NBEA: variants seen among roughly 807,000 people sequenced by gnomAD.
NBEA encodes lysosomal-trafficking regulator 2.
In NBEA, 44 loss-of-function variants were observed where a neutral mutation model predicts 343.4. That is an observed-to-expected ratio of 0.13 (90% confidence interval 0.10 to 0.16). NBEA has a LOEUF of 0.16. NBEA is among the 10% of genes least tolerant of loss of function. The pLI is 1.00. For missense variants in NBEA, 2,555 were observed against 3,631.3 expected (o/e 0.70, Z 7.62); for synonymous variants, 1,175 against 1,238.7 (o/e 0.95, Z 1.08).
intron 1 of NBEA, among the ~76,000 whole-genome samples, chr13:34,945,141 A>T (rs1217715805): frequency 2.0e-5 from 3 of 152,150 alleles, no homozygotes; most frequent in Non-Finnish European, 4.4e-5. Flanking sequence ...TATATCCCCA[A>T]ATCTACCTAA....
chr13:35,464,889 A>G (rs559507562), intron 40 of NBEA, among the ~76,000 whole-genome samples: 4 of 152,298 alleles, frequency 2.6e-5, no homozygotes, highest in South Asian at 4.1e-4. Context: ...AAAACAATAT[A>G]CTACTCATTA....
intron 36 of NBEA, among the ~76,000 whole-genome samples, chr13:35,325,884 C>A (rs1484386495): frequency 6.6e-6 from 1 of 151,950 alleles, no homozygotes; most frequent in East Asian, 1.9e-4. Context: ...GGCTAGGTAG[C>A]TATCCTAGCA....
intron 11 of NBEA, among the ~76,000 whole-genome samples, chr13:35,103,251 T>A (rs186676941): frequency 6.6e-6 from 1 of 151,824 alleles, no homozygotes; most frequent in Non-Finnish European, 1.5e-5. Context: ...TGGTTTTCAT[T>A]CTTACATGTC....
At chr13:35,237,321 C>T (rs1318138565) in intron 34 of NBEA, among the ~76,000 whole-genome samples, 1 of 152,118 alleles carries the variant, frequency 6.6e-6, no homozygotes, top group African/African-American at 2.4e-5. Context: ...TTGATCAGTT[C>T]TTCAGACCTA....
intron 41 of NBEA, among the ~76,000 whole-genome samples, chr13:35,499,677 G>GCAC (rs1290763705): frequency 2.0e-5 from 3 of 152,020 alleles, no homozygotes; most frequent in Non-Finnish European, 4.4e-5. Context: ...TGCGTATCAT[G>GCAC]CACCCGCTTG....
intron 53 of NBEA, among the ~76,000 whole-genome samples, chr13:35,653,735 A>T (rs1303265423): frequency 6.6e-6 from 1 of 152,222 alleles, no homozygotes; most frequent in Non-Finnish European, 1.5e-5. Flanking sequence ...AATACCATTT[A>T]CATGTCTTTG....
chr13:35,048,480 A>T, intron 4 of NBEA, 83 bp from the exon 5 acceptor site: 1 of 1,250,954 alleles, frequency 8.0e-7, no homozygotes, highest in Non-Finnish European at 1.1e-6. Flanking sequence ...ATTGTTATTT[A>T]ATCTGCAAAA....
At chr13:35,440,704 T>A (rs1475148707) in intron 39 of NBEA, among the ~76,000 whole-genome samples, 1 of 152,290 alleles carries the variant, frequency 6.6e-6, no homozygotes, top group East Asian at 1.9e-4. Flanking sequence ...GGATTGTCGT[T>A]AAACAATTTT....
At chr13:35,319,753 T>C (rs528651081) in intron 36 of NBEA, among the ~76,000 whole-genome samples, 1 of 152,182 alleles carries the variant, frequency 6.6e-6, no homozygotes, top group Non-Finnish European at 1.5e-5. Context: ...TCTAAGAACT[T>C]GCTTTATGAA....
At chr13:35,004,581 C>T (rs552578641) in intron 1 of NBEA, among the ~76,000 whole-genome samples, 3 of 152,138 alleles carry the variant, frequency 2.0e-5, no homozygotes, top group Non-Finnish European at 2.9e-5. Context: ...GCTCTAATAT[C>T]CCATTTTGGA....
intron 38 of NBEA, among the ~76,000 whole-genome samples, chr13:35,367,900 T>C (rs757600950): frequency 6.6e-6 from 1 of 151,528 alleles, no homozygotes; most frequent in Non-Finnish European, 1.5e-5. Context: ...TAAGTTAACA[T>C]GCATACGAAG....
At chr13:34,976,669 T>C (rs1415007389) in intron 1 of NBEA, among the ~76,000 whole-genome samples, 1 of 150,478 alleles carries the variant, frequency 6.6e-6, no homozygotes, top group Non-Finnish European at 1.5e-5. Flanking sequence ...TTTTTTTTTT[T>C]CATGGAGCAG....
chr13:35,575,705 A>G (rs2080701443), intron 45 of NBEA, among the ~76,000 whole-genome samples: 1 of 152,192 alleles, frequency 6.6e-6, no homozygotes. Context: ...AAAACTTATG[A>G]CAGTTCCCTA....
At chr13:35,151,224 A>T (rs1295744533) in intron 18 of NBEA, among the ~76,000 whole-genome samples, 1 of 151,898 alleles carries the variant, frequency 6.6e-6, no homozygotes, top group African/African-American at 2.4e-5. Flanking sequence ...GTTTGATAAG[A>T]TGCTTGTAAT....
intron 44 of NBEA, among the ~76,000 whole-genome samples, chr13:35,559,201 A>T (rs556893336): frequency 7.1e-4 from 108 of 152,212 alleles, no homozygotes; most frequent in African/African-American, 2.1e-3. Flanking sequence ...CAGCAATTAG[A>T]TTTGCCTGTT....
chr13:35,481,741 T>G (rs1358756734), intron 41 of NBEA, among the ~76,000 whole-genome samples: 1 of 151,922 alleles, frequency 6.6e-6, no homozygotes, highest in Non-Finnish European at 1.5e-5. Context: ...TGGGCTCACA[T>G]GATTCTTTTC....
At chr13:34,990,268 C>T (rs925977680) in intron 1 of NBEA, among the ~76,000 whole-genome samples, 6 of 151,210 alleles carry the variant, frequency 4.0e-5, no homozygotes, top group African/African-American at 1.4e-4. Flanking sequence ...ATTTCCCCTT[C>T]ACACTGCTTA....
At chr13:35,068,728 A>G (rs1159649984) in intron 8 of NBEA, among the ~76,000 whole-genome samples, 1 of 152,228 alleles carries the variant, frequency 6.6e-6, no homozygotes. Context: ...AAAAACTGAC[A>G]TGTTTGGTCT....
At chr13:35,317,453 C>T (rs1419472640) in intron 36 of NBEA, among the ~76,000 whole-genome samples, 2 of 152,160 alleles carry the variant, frequency 1.3e-5, no homozygotes, top group South Asian at 2.1e-4. Context: ...TGTTCTATTC[C>T]GTTGGTCCAT....
Sources: gnomAD v4.1 joint callset for allele counts (sites outside exome capture counted in the v4.1 genomes callset) on GRCh38, gnomAD v4.1.1 for gene constraint, MANE v1.5 for transcripts, NCBI Gene and HGNC (gene_info 2026-07-23, HGNC 2026-07-21) for gene names.